The following MAP3K3 variants were observed in gnomAD, a reference collection of about 807,000 sequenced individuals.
The protein encoded by MAP3K3 is mitogen-activated protein kinase kinase kinase 3, also known as MAP/ERK kinase kinase 3.
In MAP3K3, 12 loss-of-function variants were observed where a neutral mutation model predicts 80.9. The ratio of observed to expected loss-of-function variants is 0.15; its 90% CI spans 0.10 to 0.24. MAP3K3 has a LOEUF of 0.24. Ranked by LOEUF, MAP3K3 falls within the 10% of genes least tolerant of loss-of-function variation. The pLI is 1.00. For synonymous variants in MAP3K3, 272 were observed against 307.1 expected (o/e 0.89, Z 1.19); for missense variants, 596 against 834.7 (o/e 0.71, Z 3.52).
chr17:63,654,848 C>T (rs1162652348), intron 4 of MAP3K3, among the ~76,000 whole-genome samples: 1 of 151,956 alleles, frequency 6.6e-6, no homozygotes, highest in Non-Finnish European at 1.5e-5. Flanking sequence ...CCAGCCTGGC[C>T]AACATGGTGA....
At chr17:63,683,870 T>C (rs765459443) in intron 7 of MAP3K3, among the ~76,000 whole-genome samples, 4 of 152,180 alleles carry the variant, frequency 2.6e-5, no homozygotes, top group Admixed American at 1.3e-4. Flanking sequence ...ACAAAAATTA[T>C]GTCAGTCCGG....
intron 8 of MAP3K3, among the ~76,000 whole-genome samples, chr17:63,687,865 G>T (rs947763017): frequency 3.3e-5 from 5 of 151,946 alleles, no homozygotes; most frequent in African/African-American, 1.2e-4. Context: ...TTGAACCCGC[G>T]AGGTAGAGGT....
intron 2 of MAP3K3, among the ~76,000 whole-genome samples, chr17:63,639,287 G>A (rs1340541531): frequency 6.6e-6 from 1 of 152,114 alleles, no homozygotes; most frequent in Non-Finnish European, 1.5e-5. Flanking sequence ...GAGGAAGGGT[G>A]GCACTCCAGG....
At position 63,691,914 on chromosome 17, in the gene MAP3K3, C is replaced by T; in HGVS notation, c.1474+52C>T. ...CCCCAGGACCTGGGTTCAAGTCTAC[C>T]ATTGAGTGCCTGCAGGGGCCAATCA... On this transcript the variant is annotated intron_variant, in intron 14 of 15. Transcript: ENST00000361733. This position sits in a 1 kb window ranked among gnomAD's most constrained non-coding sequence, Gnocchi z 4.8. 1.9e-6 allele frequency: 3 copies of T among 1,580,780 alleles called. No homozygotes were observed. The highest frequency in any genetic ancestry group is 2.6e-6 in the Non-Finnish European group (3 of 1,153,498).
rs540315990 is a variant in MAP3K3 at position 63,628,869 on chromosome 17, A to G, written c.5-3812A>G. Among the ~76,000 whole-genome samples, 13 of 152,220 alleles carry G rather than the reference A, an allele frequency of 8.5e-5. No individual in the cohort carries two copies. The South Asian group carries it at 2.7e-3, about 32-fold the overall frequency. ...AATGGCCTCCAGTCTTTTTCCATTG[A>G]CCTTTTCTCATTGATGATAATAATA... is the stretch of plus-strand genomic sequence containing the variant. On this transcript the variant is annotated intron_variant, in intron 1 of 15. Coordinates refer to ENST00000361733, the MANE Select transcript of MAP3K3 (RefSeq NM_002401.5).
At position 63,632,738 on chromosome 17, in the gene MAP3K3, G is replaced by A. The variant is rs1366845047; in HGVS notation, c.62G>A (p.Arg21Gln). 4 of 1,614,062 alleles carry A rather than the reference G, an allele frequency of 2.5e-6. No homozygotes were observed. The highest frequency in any genetic ancestry group is 3.4e-6 in the Non-Finnish European group (4 of 1,180,004). ...MNDLVALQMN[R>Q]RHRMPGYETM... ...GATCTGGTGGCCCTCCAGATGAACC[G>A]ACGTCACCGGATGCCTGGATATGAG... Residue 21 changes from arginine (R) to glutamine (Q), a missense_variant, in exon 2 of 16, where the codon CGA (arginine) becomes CAA (glutamine). Transcript: ENST00000361733.
intron 6 of MAP3K3, among the ~76,000 whole-genome samples, chr17:63,675,408 C>T (rs1281434804): frequency 1.3e-5 from 2 of 152,224 alleles, no homozygotes; most frequent in South Asian, 2.1e-4. Context: ...CTAGAACTCC[C>T]TGCGGAGACA....
intron 2 of MAP3K3, among the ~76,000 whole-genome samples, chr17:63,637,301 C>T (rs914495617): frequency 4.0e-5 from 6 of 151,758 alleles, no homozygotes; most frequent in Admixed American, 6.6e-5. Context: ...CAGTTAACAT[C>T]AATGCTATAA....
intron 3 of MAP3K3, among the ~76,000 whole-genome samples, chr17:63,651,494 C>G (rs920440260): frequency 3.9e-5 from 6 of 152,034 alleles, no homozygotes; most frequent in African/African-American, 1.5e-4. Flanking sequence ...AACAAAAAAA[C>G]CCCACAACTT....
At chr17:63,629,243 C>T (rs2034168744) in intron 1 of MAP3K3, among the ~76,000 whole-genome samples, 1 of 152,132 alleles carries the variant, frequency 6.6e-6, no homozygotes, top group South Asian at 2.1e-4. Flanking sequence ...CTGCCTCAGC[C>T]TCCCAAGTAG....
chr17:63,634,662 T>A, intron 2 of MAP3K3: 1 of 1,481,628 alleles, frequency 6.7e-7, no homozygotes, highest in Non-Finnish European at 9.4e-7. Context: ...AAACTTATGT[T>A]GCACGAAGGA....
rs552622103 is a variant in MAP3K3, at chr17:63,622,689, C to T, written c.-71C>T. On this transcript the variant is annotated 5_prime_UTR_variant, in exon 1 of 16. Transcript: ENST00000361733. ...CCCGCTGCCGTCCCCGCCGCCCGGG[C>T]CCCCGGCATGCAGCCCCGGCTGCGG... 1,063 of 413,722 alleles carry T rather than the reference C, an allele frequency of 2.6e-3. 18 individuals are homozygous for T. Among genetic ancestry groups the T allele is most frequent in the East Asian group, 0.021 (245 of 11,462 alleles). The allele number at this position is 413,722 out of a possible 1,614,324, so 25.6% of individuals were successfully genotyped here. A position where few individuals can be genotyped will look rare whatever the true frequency, so the allele number is the denominator to read the frequency against.
At chr17:63,653,862 C>T (rs1223071167) in intron 4 of MAP3K3, among the ~76,000 whole-genome samples, 1 of 152,016 alleles carries the variant, frequency 6.6e-6, no homozygotes, top group Non-Finnish European at 1.5e-5. Context: ...TATCTAATTC[C>T]AGAACATTTT....
chr17:63,634,643 A>G, intron 2 of MAP3K3: 1 of 1,298,512 alleles, frequency 7.7e-7, no homozygotes, highest in Non-Finnish European at 1.1e-6. Flanking sequence ...GATTTACTTC[A>G]ATGTTGTCAA....
chr17:63,661,735 G>T (rs1202425162), intron 5 of MAP3K3, among the ~76,000 whole-genome samples: 1 of 152,214 alleles, frequency 6.6e-6, no homozygotes, highest in African/African-American at 2.4e-5. Flanking sequence ...TTCAGTCCTT[G>T]TAAAATAGTG....
intron 5 of MAP3K3, among the ~76,000 whole-genome samples, chr17:63,658,728 TC>T (rs1314494981): frequency 7.0e-6 from 1 of 142,062 alleles, no homozygotes; most frequent in Non-Finnish European, 1.5e-5. Context: ...GCTGACCATT[TC>T]TTTTCTTTTT....
intron 5 of MAP3K3, among the ~76,000 whole-genome samples, chr17:63,662,542 CTT>C (rs1247217150): frequency 6.6e-6 from 1 of 152,000 alleles, no homozygotes; most frequent in African/African-American, 2.4e-5. Flanking sequence ...GAAACTGAGA[CTT>C]AGGGTGACTG....
At chr17:63,652,803 T>C (rs2034685537) in intron 4 of MAP3K3, 147 bp downstream of exon 4, 2 of 613,068 alleles carry the variant, frequency 3.3e-6, no homozygotes, top group Non-Finnish European at 5.8e-6. Context: ...TTCCAACAAC[T>C]GTGGGATCTC....
rs1481205190 is a variant in MAP3K3 at position 63,693,521 on chromosome 17, G to A, written c.1653-28G>A. The A allele has an allele frequency of 6.3e-6, 10 of 1,578,922 alleles. No homozygotes were observed. In the Admixed American group the frequency reaches 1.7e-4, roughly 26 times the overall value. Reference sequence around the variant, plus strand: ...CAGCTGGGAGTCCAGGGCTGGCTGAGGGGTGACACGGGGTTCTCTCTTTCC... The same window carrying A: ...CAGCTGGGAGTCCAGGGCTGGCTGAAGGGTGACACGGGGTTCTCTCTTTCC... On this transcript the variant is annotated intron_variant, in intron 15 of 15. Coordinates refer to ENST00000361733, the MANE Select transcript of MAP3K3 (RefSeq NM_002401.5). This position sits in a 1 kb window ranked among gnomAD's most constrained non-coding sequence, Gnocchi z 4.2.
Sources: gnomAD v4.1 joint callset for allele counts (sites outside exome capture counted in the v4.1 genomes callset) on GRCh38, gnomAD v4.1.1 for gene constraint, Gnocchi (gnomAD v3.1) non-coding constraint, MANE v1.5 for transcripts, NCBI Gene and HGNC (gene_info 2026-07-23, HGNC 2026-07-21) for gene names.